Variants in PSENEN observed in about 807,000 individuals in gnomAD.
PSENEN encodes the protein presenilin enhancer, gamma-secretase subunit.
In PSENEN, 4 loss-of-function variants were observed where a neutral mutation model predicts 15.4. The observed-to-expected ratio is 0.26, with a 90% confidence interval of 0.13 to 0.59. The LOEUF (loss-of-function observed/expected upper bound fraction) is 0.59. Among genes scored for constraint, PSENEN ranks in the 20% least tolerant of loss-of-function variants. The pLI is 0.89. For synonymous variants in PSENEN, 42 were observed against 46.5 expected (o/e 0.90, Z 0.39); for missense variants, 112 against 120.3 (o/e 0.93, Z 0.32).
Position 35,745,652 on chromosome 19 carries a change from T to C in PSENEN, c.-145T>C. ...CTGGGGCGTCTCGCGCAAACGTCCA[T>C]AACTGAAAGTAGCTAAGGCACCCCA... is the stretch of plus-strand genomic sequence containing the variant. On this transcript the variant is annotated 5_prime_UTR_variant, in exon 1 of 4. Coordinates refer to ENST00000587708, the MANE Select transcript of PSENEN (RefSeq NM_172341.4). 1.6e-6 allele frequency: 1 copy of C among 618,536 alleles called. No individual in the cohort carries two copies. The highest frequency in any genetic ancestry group is 2.8e-6 in the Non-Finnish European group (1 of 352,396). The allele number at this position is 618,536 out of a possible 1,614,324, so 38.3% of individuals were successfully genotyped here.
chr19:35,746,128 G>C (rs889624502), intron 2 of PSENEN, 137 bp downstream of exon 2: 2 of 905,676 alleles, frequency 2.2e-6, no homozygotes, highest in South Asian at 2.8e-5. Flanking sequence ...ATTTGAGTGG[G>C]GAGGGCCTGG....
Position 35,746,444 on chromosome 19 carries a change from C to T in PSENEN, c.87C>T (p.Leu29=), listed in dbSNP as rs1351493310. ...GGGGGTTTGCTTTCCTGCCTTTTCTCTGGTTGGTCAACATCTTCTGGTTCT... is the reference window on the plus strand; with the variant it reads ...GGGGGTTTGCTTTCCTGCCTTTTCTTTGGTTGGTCAACATCTTCTGGTTCT... ...YLGGFAFLPF[L]WLVNIFWFFR... is the part of the protein sequence containing the mutation. Residue 29 remains leucine (L), a synonymous_variant, in exon 3 of 4, where the codon CTC becomes CTT. Transcript: ENST00000587708. 6.2e-7 allele frequency: 1 copy of T among 1,613,906 alleles called. No homozygotes were observed. Among genetic ancestry groups the T allele is most frequent in the East Asian group, 2.2e-5 (1 of 44,864 alleles).
chr19:35,746,246 G>T (rs1425141717), intron 2 of PSENEN, among the ~76,000 whole-genome samples, 173 bp from the exon 3 acceptor site: 1 of 152,164 alleles, frequency 6.6e-6, no homozygotes, highest in East Asian at 1.9e-4. Context: ...TGAGGAATCA[G>T]ATTCCTGGAT....
intron 2 of PSENEN, 122 bp downstream of exon 2, chr19:35,746,113 C>T (rs1296715075): frequency 2.9e-6 from 3 of 1,042,078 alleles, no homozygotes; most frequent in Non-Finnish European, 4.4e-6. Flanking sequence ...AACGCCGACT[C>T]CTGGATTTGA....
chr19:35,746,428 C>T lies in PSENEN; in HGVS notation c.71C>T (p.Ala24Val). Reference sequence around the variant, plus strand: ...TTTTCTTTCTCCCTAGGGGGGTTTGCTTTCCTGCCTTTTCTCTGGTTGGTC... The same window carrying T: ...TTTTCTTTCTCCCTAGGGGGGTTTGTTTTCCTGCCTTTTCTCTGGTTGGTC... ...LCRKYYLGGF[A>V]FLPFLWLVNI... Residue 24 changes from alanine to valine, a missense_variant, in exon 3 of 4, where the codon GCT (alanine) becomes GTT (valine). Ala to Val is a moderately conservative substitution (Grantham distance 64). Coordinates refer to ENST00000587708, the MANE Select transcript of PSENEN (RefSeq NM_172341.4). The T allele has an allele frequency of 6.2e-7, 1 of 1,613,562 alleles. No individual in the cohort carries two copies. Among genetic ancestry groups the T allele is most frequent in the Non-Finnish European group, 8.5e-7 (1 of 1,179,868 alleles).
chr19:35,746,868 G>C lies in PSENEN; in HGVS notation c.*21G>C. ...CCTGACAACTTCTGCACATACTGGGGCCCTGCTTATTCTCCCAGGACAGGC... is the reference window on the plus strand; with the variant it reads ...CCTGACAACTTCTGCACATACTGGGCCCCTGCTTATTCTCCCAGGACAGGC... On this transcript the variant is annotated 3_prime_UTR_variant, in exon 4 of 4. Coordinates refer to ENST00000587708, the MANE Select transcript of PSENEN (RefSeq NM_172341.4). 6.2e-7 allele frequency: 1 copy of C among 1,613,046 alleles called. No homozygotes were observed. The highest frequency in any genetic ancestry group is 8.5e-7 in the Non-Finnish European group (1 of 1,179,612).
At chr19:35,746,080 G>A in intron 2 of PSENEN, 89 bp downstream of exon 2, 1 of 1,380,458 alleles carries the variant, frequency 7.2e-7, no homozygotes, top group Non-Finnish European at 1.0e-6. Flanking sequence ...GGATTCTTAA[G>A]TCTAAGAGAT....
chr19:35,745,952 A>C lies in PSENEN; in HGVS notation c.22A>C (p.Asn8His). ...AGCTATGAACCTGGAGCGAGTGTCCAATGAGGAGAAATTGAACCTGTGCCG... is the reference window on the plus strand; with the variant it reads ...AGCTATGAACCTGGAGCGAGTGTCCCATGAGGAGAAATTGAACCTGTGCCG... The part of the protein sequence containing the change: MNLERVS[N>H]EEKLNLCRKY... Residue 8 changes from asparagine (N) to histidine (H), a missense_variant, in exon 2 of 4, where the codon AAT (asparagine) becomes CAT (histidine). Physicochemically the swap from Asn to His is moderately conservative, Grantham distance 68. Coordinates refer to ENST00000587708, the MANE Select transcript of PSENEN (RefSeq NM_172341.4). 5 of 1,614,158 alleles carry C rather than the reference A, an allele frequency of 3.1e-6. No individual in the cohort carries two copies. Among genetic ancestry groups the C allele is most frequent in the Non-Finnish European group, 4.2e-6 (5 of 1,180,036 alleles).
intron 2 of PSENEN, 117 bp downstream of exon 2, chr19:35,746,108 C>T (rs1399812700): frequency 3.7e-6 from 4 of 1,074,404 alleles, no homozygotes; most frequent in Non-Finnish European, 5.6e-6. Context: ...CTGCGAACGC[C>T]GACTCCTGGA....
At chr19:35,746,354 T>G in intron 2 of PSENEN, 65 bp from the exon 3 acceptor site, 1 of 1,300,798 alleles carries the variant, frequency 7.7e-7, no homozygotes, top group Non-Finnish European at 1.1e-6. Context: ...CGGTGGGAGT[T>G]GGAGAAGATC....
chr19:35,746,839 AC>A lies in PSENEN; in HGVS notation c.303del (p.Ter102AspfsTer43). ...CCTCTCCTTCACCATACCCCTGGGC[AC>A]CCCCTGACAACTTCTGCACATACTG... ...DYLSFTIPLG[T>X]P On this transcript the variant is annotated frameshift_variant, in exon 4 of 4. Coordinates refer to ENST00000587708, the MANE Select transcript of PSENEN (RefSeq NM_172341.4). LOFTEE classifies it high-confidence loss of function. 1 of 1,612,996 alleles carries A rather than the reference AC, an allele frequency of 6.2e-7. No individual in the cohort carries two copies. Among genetic ancestry groups the A allele is most frequent in the Non-Finnish European group, 8.5e-7 (1 of 1,179,738 alleles).
rs1970596093 is a variant in PSENEN, at chr19:35,746,948, G to A, written c.*101G>A. The A allele has an allele frequency of 2.7e-5, 34 of 1,251,416 alleles. No individual in the cohort carries two copies. In the South Asian group the frequency reaches 4.3e-4, roughly 16 times the overall value. 77.5% of individuals were successfully genotyped at this position (1,251,416 alleles called of 1,614,324 possible). A position where few individuals can be genotyped will look rare whatever the true frequency, so the allele number is the denominator to read the frequency against. ...GCCCCTTCTCAAACTCCTAAGACTT[G>A]TTTTCATGTCCCACGTTCTCTGCTG... On this transcript the variant is annotated 3_prime_UTR_variant, in exon 4 of 4. Coordinates refer to ENST00000587708, the MANE Select transcript of PSENEN (RefSeq NM_172341.4).
rs1970558677 is a variant in PSENEN, at chr19:35,746,040, A to G, written c.61+49A>G. 8 of 1,591,158 alleles carry G rather than the reference A, an allele frequency of 5.0e-6. No homozygotes were observed. The East Asian group carries it at 1.8e-4, about 36-fold the overall frequency. On this transcript the variant is annotated intron_variant, in intron 2 of 3. Transcript: ENST00000587708. ...AGGAGAAGAGAGGGGACTGGACTAGAGCACCCGAGGGAAGAGGGCCTCGGG... is the reference window on the plus strand; with the variant it reads ...AGGAGAAGAGAGGGGACTGGACTAGGGCACCCGAGGGAAGAGGGCCTCGGG...
intron 2 of PSENEN, 127 bp from the exon 3 acceptor site, chr19:35,746,292 C>G: frequency 1.2e-6 from 1 of 861,100 alleles, no homozygotes; most frequent in Non-Finnish European, 1.9e-6. Context: ...TCCCTGACAA[C>G]AGAAATCTCC....
At chr19:35,746,333 C>G in intron 2 of PSENEN, 86 bp from the exon 3 acceptor site, 2 of 1,193,692 alleles carry the variant, frequency 1.7e-6, no homozygotes, top group Non-Finnish European at 2.5e-6. Flanking sequence ...GAGTTTCTTC[C>G]AAATAGATCT....
rs36096387 is a variant in PSENEN at position 35,747,226 on chromosome 19, C to CTTTTTTTTTTTTTTTT, written c.*382_*397dup. ...GTGCTTCCATTTCTTTTTCTTTTTT[C>CTTTTTTTTTTTTTTTT]TTTTTTTTTTTTTTTTTTGAGACAG... is the stretch of plus-strand genomic sequence containing the variant. On this transcript the variant is annotated 3_prime_UTR_variant, in exon 4 of 4. Transcript: ENST00000587708. The CTTTTTTTTTTTTTTTT allele has an allele frequency of 7.8e-6, 1 of 128,372 alleles. No homozygotes were observed. 8.0% of individuals were successfully genotyped at this position (128,372 alleles called of 1,614,324 possible). A position where few individuals can be genotyped will look rare whatever the true frequency, so the allele number is the denominator to read the frequency against.
At position 35,746,010 on chromosome 19, in the gene PSENEN, G is replaced by A. The variant is rs200670952; in HGVS notation, c.61+19G>A. 48 of 1,613,194 alleles carry A rather than the reference G, an allele frequency of 3.0e-5. No homozygotes were observed. Among genetic ancestry groups the A allele is most frequent in the Non-Finnish European group, 3.7e-5 (44 of 1,179,386 alleles). On this transcript the variant is annotated intron_variant, in intron 2 of 3. Transcript: ENST00000587708. ...TACCTGGGTAAGGCAGATCGCTAGG[G>A]TCCCAGGAGAAGAGAGGGGACTGGA...
chr19:35,745,888 C>T lies in PSENEN; in HGVS notation c.-43C>T. The T allele has an allele frequency of 6.2e-7, 1 of 1,600,962 alleles. No homozygotes were observed. Among genetic ancestry groups the T allele is most frequent in the Non-Finnish European group, 8.6e-7 (1 of 1,168,236 alleles). On this transcript the variant is annotated 5_prime_UTR_variant, in exon 2 of 4. Coordinates refer to ENST00000587708, the MANE Select transcript of PSENEN (RefSeq NM_172341.4). ...TGTTACTTAGGGTCAAGGCTTGGGT[C>T]TTGCCCCGCAGACCCTTGGGACGAC...
chr19:35,746,077 T>A, intron 2 of PSENEN, 86 bp downstream of exon 2: 1 of 1,400,492 alleles, frequency 7.1e-7, no homozygotes, highest in Non-Finnish European at 1.0e-6. Context: ...CCTGGATTCT[T>A]AAGTCTAAGA....
Sources: allele counts gnomAD v4.1 joint callset (sites outside exome capture counted in the v4.1 genomes callset), GRCh38; gene constraint gnomAD v4.1.1; transcripts MANE v1.5; gene names NCBI Gene and HGNC (gene_info 2026-07-23, HGNC 2026-07-21).